The following DRC9 variants were observed in gnomAD, a reference collection of about 807,000 sequenced individuals.
DRC9 encodes dynein regulatory complex protein 9.
At chr3:197,895,157 AAAAC>A in the DRC9 span, among the ~76,000 whole-genome samples, 6 of 152,214 alleles carry the variant, frequency 3.9e-5, no homozygotes, top group Admixed American at 1.3e-4. Flanking sequence ...CTTAAAAACA[AAAAC>A]AAACAAACAA....
At chr3:197,948,893 G>A in the DRC9 span, among the ~76,000 whole-genome samples, 1 of 152,120 alleles carries the variant, frequency 6.6e-6, no homozygotes, top group South Asian at 2.1e-4. Context: ...AGTCACTACA[G>A]GAACCTATAA....
At chr3:197,901,589 C>T in the DRC9 span, among the ~76,000 whole-genome samples, 1 of 152,236 alleles carries the variant, frequency 6.6e-6, no homozygotes, top group Non-Finnish European at 1.5e-5. This position sits in a 1 kb window ranked among gnomAD's most constrained non-coding sequence, Gnocchi z 4.4. Flanking sequence ...AGTAGCCTGG[C>T]GGCACTCTCC....
chr3:197,951,562 A>G, the DRC9 span: 1 of 465,880 alleles, frequency 2.1e-6, no homozygotes, highest in Non-Finnish European at 3.9e-6. Context: ...CATGTTGGCC[A>G]GGCTGGTCCC....
chr3:197,925,913 G>C, the DRC9 span: 1 of 733,120 alleles, frequency 1.4e-6, no homozygotes, highest in Non-Finnish European at 2.5e-6. Context: ...AATGCCGGAG[G>C]AAACAACAAT....
the DRC9 span, chr3:197,938,542 C>T: frequency 1.1e-5 from 18 of 1,600,308 alleles, no homozygotes; most frequent in Non-Finnish European, 1.5e-5. Context: ...TGTCTTCCTT[C>T]CTTACCTATC....
At chr3:197,938,636 AC>A in the DRC9 span, 2 of 1,613,824 alleles carry the variant, frequency 1.2e-6, no homozygotes, top group Non-Finnish European at 1.7e-6. Flanking sequence ...ATTTTGTTAA[AC>A]TCCACAGCGA....
chr3:197,912,397 A>G, the DRC9 span: 1 of 275,388 alleles, frequency 3.6e-6, no homozygotes, highest in Non-Finnish European at 6.8e-6. Flanking sequence ...ATTAAGTCAT[A>G]ATTTGAAAAT....
the DRC9 span, among the ~76,000 whole-genome samples, chr3:197,927,259 C>G: frequency 6.6e-6 from 1 of 152,176 alleles, no homozygotes; most frequent in Non-Finnish European, 1.5e-5. Flanking sequence ...CAGAGTCTCA[C>G]TCTGTTCTCC....
the DRC9 span, among the ~76,000 whole-genome samples, chr3:197,904,275 A>G: frequency 6.6e-6 from 1 of 151,986 alleles, no homozygotes; most frequent in African/African-American, 2.4e-5. Flanking sequence ...GTGTGTATCT[A>G]AAAGACAGGC....
At chr3:197,932,892 ATATG>A in the DRC9 span, among the ~76,000 whole-genome samples, 2 of 138,788 alleles carry the variant, frequency 1.4e-5, no homozygotes, top group South Asian at 4.2e-4. Flanking sequence ...TATGTATAAT[ATATG>A]TATTATATAT....
chr3:197,923,438 A>G, the DRC9 span, among the ~76,000 whole-genome samples: 2 of 152,264 alleles, frequency 1.3e-5, no homozygotes, highest in African/African-American at 2.4e-5. Flanking sequence ...TAAACTTACA[A>G]TATTCTCAGG....
the DRC9 span, chr3:197,956,159 C>A: frequency 1.2e-5 from 3 of 250,292 alleles, no homozygotes; most frequent in Admixed American, 4.9e-5. Flanking sequence ...CTGACTCTTG[C>A]CTATGCTGGC....
At chr3:197,913,499 G>A in the DRC9 span, 5 of 330,938 alleles carry the variant, frequency 1.5e-5, no homozygotes, top group South Asian at 1.9e-4. Context: ...TTTCTTACTG[G>A]AGGAGTGAAA....
chr3:197,949,876 T>TCGGCCAGAGG, the DRC9 span: 1 of 393,690 alleles, frequency 2.5e-6, no homozygotes, highest in Non-Finnish European at 4.5e-6. Context: ...CATCCTCCAC[T>TCGGCCAGAGG]CAGGGTTCGC....
At chr3:197,944,669 C>T in the DRC9 span, among the ~76,000 whole-genome samples, 1 of 152,068 alleles carries the variant, frequency 6.6e-6, no homozygotes, top group Non-Finnish European at 1.5e-5. Context: ...AGGATGGTCT[C>T]GATCTCCTGA....
chr3:197,954,245 A>ACTGGTGTCAATTT, the DRC9 span: 1 of 1,260,970 alleles, frequency 7.9e-7, no homozygotes, highest in Non-Finnish European at 1.1e-6. Context: ...TGTGAAATTG[A>ACTGGTGTCAATTT]CACCAGTAAA....
At chr3:197,917,544 T>G in the DRC9 span, among the ~76,000 whole-genome samples, 1 of 152,304 alleles carries the variant, frequency 6.6e-6, no homozygotes, top group African/African-American at 2.4e-5. Flanking sequence ...GCAGGCAAAT[T>G]ACTGGACCTC....
chr3:197,898,069 C>T, the DRC9 span, among the ~76,000 whole-genome samples: 1 of 152,010 alleles, frequency 6.6e-6, no homozygotes, highest in Non-Finnish European at 1.5e-5. Context: ...GCATGAGCCA[C>T]TGTGCCCAGC....
chr3:197,889,434 G>T, the DRC9 span: 2 of 910,300 alleles, frequency 2.2e-6, no homozygotes, highest in Non-Finnish European at 3.4e-6. Flanking sequence ...AAATTAACAG[G>T]CAAAGTGAAA....
Sources: allele counts gnomAD v4.1 joint callset (sites outside exome capture counted in the v4.1 genomes callset), GRCh38; gene constraint gnomAD v4.1.1; non-coding constraint Gnocchi (gnomAD v3.1); transcripts MANE v1.5; gene names NCBI Gene and HGNC (gene_info 2026-07-23, HGNC 2026-07-21).